ARHGAP23: variants seen among roughly 807,000 people sequenced by gnomAD.
ARHGAP23 encodes Rho GTPase activating protein 23.
ARHGAP23 carries 34 observed loss-of-function variants against 136.3 expected under a neutral mutation model. That is an observed-to-expected ratio of 0.25 (90% CI 0.19 to 0.33). The LOEUF is 0.33. Among genes scored for constraint, ARHGAP23 ranks in the 10% least tolerant of loss-of-function variants. The pLI is 1.00. For synonymous variants in ARHGAP23, 832 were observed against 920.5 expected (o/e 0.90, Z 1.74); for missense variants, 1,808 against 2,139.0 (o/e 0.85, Z 3.05).
At chr17:38,502,677 G>A (rs945068503) in intron 23 of ARHGAP23, among the ~76,000 whole-genome samples, 1 of 152,232 alleles carries the variant, frequency 6.6e-6, no homozygotes, top group Admixed American at 6.5e-5. Context: ...CCACTCTTGT[G>A]AGAAGTCCGA....
chr17:38,460,817 C>T (rs2039442044), intron 2 of ARHGAP23, 88 bp from the exon 3 acceptor site: 1 of 1,535,606 alleles, frequency 6.5e-7, no homozygotes, highest in South Asian at 1.2e-5. Flanking sequence ...TGGCGGGAAC[C>T]TGAAGGGGCC....
intron 16 of ARHGAP23, among the ~76,000 whole-genome samples, chr17:38,485,273 A>G (rs2040135469): frequency 6.6e-6 from 1 of 152,190 alleles, no homozygotes; most frequent in Non-Finnish European, 1.5e-5. Context: ...AAATGGCTCC[A>G]GACATTGTCA....
intron 11 of ARHGAP23, among the ~76,000 whole-genome samples, chr17:38,472,375 G>C (rs564792729): frequency 1.6e-4 from 24 of 152,176 alleles, no homozygotes; most frequent in African/African-American, 5.1e-4. Context: ...CCAAGAAGAC[G>C]CAGGCAAGCC....
intron 10 of ARHGAP23, 53 bp downstream of exon 10, chr17:38,469,957 G>C (rs1456982113): frequency 6.5e-7 from 1 of 1,541,842 alleles, no homozygotes; most frequent in African/African-American, 1.4e-5. Flanking sequence ...TGGGGAGAGA[G>C]GGTGTCAGGG....
At chr17:38,482,419 C>A in intron 15 of ARHGAP23, 104 bp from the exon 16 acceptor site, 6 of 1,183,948 alleles carry the variant, frequency 5.1e-6, no homozygotes, top group East Asian at 2.6e-5. Context: ...TTGTTCCCCC[C>A]AAGGGTTCCT....
intron 1 of ARHGAP23, among the ~76,000 whole-genome samples, chr17:38,437,202 G>A (rs989187880): frequency 8.2e-6 from 1 of 121,470 alleles, no homozygotes; most frequent in African/African-American, 3.3e-5. Flanking sequence ...ATTGCTTGAC[G>A]CCAGGATTTT....
intron 1 of ARHGAP23, among the ~76,000 whole-genome samples, chr17:38,443,122 A>G (rs1047880442): frequency 1.3e-5 from 2 of 152,254 alleles, no homozygotes; most frequent in Non-Finnish European, 1.5e-5. Flanking sequence ...GCCAGTACCA[A>G]TGGCAAGTGT....
At chr17:38,494,002 GTCTT>G (rs2040335072) in intron 20 of ARHGAP23, among the ~76,000 whole-genome samples, 1 of 147,256 alleles carries the variant, frequency 6.8e-6, no homozygotes, top group Admixed American at 7.3e-5. Context: ...GTCCAGATAA[GTCTT>G]TCTTGTGGGA....
At chr17:38,486,175 C>T in intron 17 of ARHGAP23, 35 bp downstream of exon 17, 1 of 1,521,532 alleles carries the variant, frequency 6.6e-7, no homozygotes, top group Non-Finnish European at 8.9e-7. Context: ...GGGGAGGGGA[C>T]ACCAGTCCGT....
At chr17:38,433,534 G>A (rs2038729457) in intron 1 of ARHGAP23, among the ~76,000 whole-genome samples, 1 of 152,170 alleles carries the variant, frequency 6.6e-6, no homozygotes, top group African/African-American at 2.4e-5. Context: ...GCACAGGCTG[G>A]AGAATGATGT....
intron 23 of ARHGAP23, among the ~76,000 whole-genome samples, chr17:38,506,579 T>G (rs562137397): frequency 6.6e-6 from 1 of 152,338 alleles, no homozygotes; most frequent in Non-Finnish European, 1.5e-5. Context: ...GAGGGTTCCC[T>G]GCCTGTCTTG....
rs548134714 is a variant in ARHGAP23, at chr17:38,509,991, G to T, written c.3495G>T (p.Ala1165=). 2.4e-6 allele frequency: 3 copies of T among 1,250,700 alleles called. No individual in the cohort carries two copies. The highest frequency in any genetic ancestry group is 3.0e-6 in the Non-Finnish European group (3 of 993,598). 77.5% of individuals were successfully genotyped at this position (1,250,700 alleles called of 1,614,324 possible). Residue 1165 remains alanine (A), a synonymous_variant, in exon 24 of 24, where the codon GCG becomes GCT. Transcript: ENST00000622683. ...KKEPYAREML[A]ISFISAVNRK... is the part of the protein sequence containing the mutation. ...AGCCGTACGCCCGGGAGATGCTGGC[G>T]ATCTCCTTCATCTCGGCCGTCAACC...
upstream of ARHGAP23, among the ~76,000 whole-genome samples, chr17:38,425,764 G>T (rs2038563341): frequency 1.3e-5 from 2 of 152,148 alleles, no homozygotes; most frequent in Non-Finnish European, 2.9e-5. Context: ...AGAGGAAGGG[G>T]AGCCCGGATG....
intron 16 of ARHGAP23, 63 bp downstream of exon 16, chr17:38,482,741 T>C: frequency 6.8e-7 from 1 of 1,461,604 alleles, no homozygotes; most frequent in Admixed American, 2.0e-5. Flanking sequence ...GTGCTCCGCT[T>C]GGAGAGTTCT....
At chr17:38,447,437 GA>G (rs71138625) in intron 1 of ARHGAP23, among the ~76,000 whole-genome samples, 884 of 25,556 alleles carry the variant, frequency 0.035, 5 homozygotes, top group African/African-American at 0.1. Context: ...GACTCCGTCT[GA>G]AAAAAAAAAA....
intron 19 of ARHGAP23, among the ~76,000 whole-genome samples, chr17:38,491,077 C>T (rs1215303050): frequency 2.6e-5 from 2 of 76,548 alleles, no homozygotes; most frequent in African/African-American, 6.7e-5. Flanking sequence ...TGGAAGTGAT[C>T]GGATTATTTC....
In ARHGAP23 at chr17:38,469,185, G is replaced by A. The variant is rs766168390; in HGVS notation, c.1690G>A (p.Val564Ile). Residue 564 changes from valine to isoleucine, a missense_variant, in exon 8 of 24, where the codon GTC becomes ATC. Around this residue, in one of 7 missense-constraint regions of ARHGAP23, gnomAD observed 859 missense variants for 936.4 expected, o/e 0.92. Coordinates refer to ENST00000622683, the MANE Select transcript of ARHGAP23 (RefSeq NM_001199417.2). The stretch of plus-strand genomic sequence containing the variant: ...CAGCATTGACCTCCAAGCCAAGCAC[G>A]TCCCTGCCTCTGCTGTGGTCTCCAG... ...SPSIDLQAKHVPASAVVSSAM... is the reference protein window; with the variant it reads ...SPSIDLQAKHIPASAVVSSAM... 4.5e-6 allele frequency: 7 copies of A among 1,551,574 alleles called. No homozygotes were observed. The highest frequency in any genetic ancestry group is 3.6e-5 in the South Asian group (3 of 84,042).
At chr17:38,464,462 G>C (rs993474803) in intron 6 of ARHGAP23, among the ~76,000 whole-genome samples, 9 of 152,354 alleles carry the variant, frequency 5.9e-5, no homozygotes, top group East Asian at 1.9e-4. Flanking sequence ...CGCTGTGCTG[G>C]CTTCTGCCTT....
intron 2 of ARHGAP23, among the ~76,000 whole-genome samples, chr17:38,460,370 C>T (rs145151535): frequency 6.6e-6 from 1 of 152,194 alleles, no homozygotes; most frequent in African/African-American, 2.4e-5. Flanking sequence ...TCCTTTAACT[C>T]AGCGATTCAG....
Sources: allele counts gnomAD v4.1 joint callset (sites outside exome capture counted in the v4.1 genomes callset), GRCh38; gene constraint gnomAD v4.1.1; regional missense constraint gnomAD v4.1.1; transcripts MANE v1.5; gene names NCBI Gene and HGNC (gene_info 2026-07-23, HGNC 2026-07-21).